Variants in ZNF420 observed in about 807,000 individuals in gnomAD.
ZNF420 encodes the protein zinc finger protein 420.
In ZNF420, 31 loss-of-function variants were observed where a neutral mutation model predicts 44.7. The observed-to-expected ratio is 0.69, with a 90% CI of 0.52 to 0.94. ZNF420 has a LOEUF of 0.94. Ranked by LOEUF, ZNF420 falls within the 40% of genes least tolerant of loss-of-function variation. The pLI is 0.00. For missense variants in ZNF420, 681 were observed against 827.9 expected, an observed-to-expected ratio of 0.82 and a Z score of 2.18; for synonymous variants, 245 against 267.4, an observed-to-expected ratio of 0.92 and a Z score of 0.82.
At chr19:37,081,698 G>GTT (rs1371325284) in intron 2 of ZNF420, among the ~76,000 whole-genome samples, 32 of 76,590 alleles carry the variant, frequency 4.2e-4, no homozygotes, top group African/African-American at 1.5e-3. Context: ...GCTAATTTTT[G>GTT]TATTTTTTTT....
At chr19:37,087,336 A>T (rs1023104854) in intron 2 of ZNF420, among the ~76,000 whole-genome samples, 5 of 149,806 alleles carry the variant, frequency 3.3e-5, no homozygotes, top group African/African-American at 9.8e-5. Flanking sequence ...TAAATAAATA[A>T]AAATTAAGAG....
At chr19:37,123,261 A>G (rs1158130483) in intron 4 of ZNF420, among the ~76,000 whole-genome samples, 2 of 152,150 alleles carry the variant, frequency 1.3e-5, no homozygotes, top group African/African-American at 4.8e-5. Context: ...CCCATTAACT[A>G]TCTTTGTATT....
intron 4 of ZNF420, among the ~76,000 whole-genome samples, chr19:37,098,420 A>T (rs1469070922): frequency 6.6e-6 from 1 of 152,002 alleles, no homozygotes; most frequent in East Asian, 1.9e-4. Flanking sequence ...TCAAATTTAA[A>T]TTTTTTATGT....
At chr19:37,023,782 C>T (rs954242798) in intron 1 of ZNF420, among the ~76,000 whole-genome samples, 7 of 152,086 alleles carry the variant, frequency 4.6e-5, no homozygotes, top group East Asian at 1.9e-4. Context: ...AAGTTCACAC[C>T]GGTACAAACA....
At chr19:37,117,063 G>C (rs1455868080) in intron 4 of ZNF420, among the ~76,000 whole-genome samples, 10 of 152,180 alleles carry the variant, frequency 6.6e-5, no homozygotes, top group African/African-American at 2.2e-4. Context: ...GCAGTAACCT[G>C]TGCAGACTTA....
chr19:37,122,743 C>G (rs933819051), intron 4 of ZNF420, among the ~76,000 whole-genome samples: 30 of 152,140 alleles, frequency 2.0e-4, no homozygotes, highest in African/African-American at 7.0e-4. Flanking sequence ...TGAAGTGACC[C>G]AGGGTTCAAT....
chr19:37,087,925 G>A (rs748373312), intron 2 of ZNF420, among the ~76,000 whole-genome samples: 9 of 152,302 alleles, frequency 5.9e-5, no homozygotes, highest in Admixed American at 2.0e-4. Context: ...GATTACAGGC[G>A]TGAGCCACTG....
chr19:37,127,075 C>G (rs1971384931), intron 4 of ZNF420, 53 bp from the exon 5 acceptor site: 7 of 1,381,080 alleles, frequency 5.1e-6, no homozygotes, highest in Non-Finnish European at 6.7e-6. Context: ...TATTATTTGT[C>G]TTTTCTATAG....
chr19:37,060,384 C>T (rs1191791066), intron 1 of ZNF420, among the ~76,000 whole-genome samples: 1 of 147,568 alleles, frequency 6.8e-6, no homozygotes, highest in Non-Finnish European at 1.5e-5. Flanking sequence ...ACAAGTCACC[C>T]GTTTGGCACT....
At chr19:37,061,492 C>A (rs752085355) in intron 1 of ZNF420, among the ~76,000 whole-genome samples, 2 of 151,908 alleles carry the variant, frequency 1.3e-5, no homozygotes, top group Admixed American at 6.6e-5. Context: ...TGATGCTATG[C>A]GGAACAGGAT....
Position 37,010,239 on chromosome 19 carries a change from G to A in ZNF420, c.-125+2157G>A, listed in dbSNP as rs1163195601. On this transcript the variant is annotated intron_variant, in intron 1 of 4. Coordinates refer to the ZNF420 transcript ENST00000587029. ...CATGGGGTCGAAAGGACGGTCTCTG[G>A]ATGCCAGGAGTCGCGGAGGGCGGAC... Among the ~76,000 whole-genome samples the A allele has an allele frequency of 2.6e-5, 4 of 152,204 alleles. 1 individual carries two copies. Among genetic ancestry groups the A allele is most frequent in the Non-Finnish European group, 5.9e-5 (4 of 68,038 alleles).
intron 4 of ZNF420, among the ~76,000 whole-genome samples, chr19:37,102,669 C>G (rs1208077461): frequency 1.3e-5 from 2 of 152,192 alleles, no homozygotes; most frequent in African/African-American, 2.4e-5. Context: ...TCAAGTTTTA[C>G]AACCTCCTAC....
At chr19:37,051,344 TG>T (rs1967635406) in intron 1 of ZNF420, among the ~76,000 whole-genome samples, 1 of 152,214 alleles carries the variant, frequency 6.6e-6, no homozygotes, top group Non-Finnish European at 1.5e-5. Context: ...TGAATCCATC[TG>T]GTCCTGGACT....
chr19:37,112,493 T>G (rs2146670299), intron 4 of ZNF420, among the ~76,000 whole-genome samples: 1 of 152,280 alleles, frequency 6.6e-6, no homozygotes, highest in East Asian at 1.9e-4. Flanking sequence ...AGCCTTTTGT[T>G]TAGGCCAATT....
rs569516672 is a variant in ZNF420, at chr19:37,013,554, G to A, written c.-125+5472G>A. On this transcript the variant is annotated intron_variant, in intron 1 of 4. Coordinates refer to the ZNF420 transcript ENST00000587029. ...ATGCAGAGTCACGGAGAAGCAGCGC[G>A]GGATCCCAGCTTCAGGGGACAGATG... 9.2e-5 allele frequency among the ~76,000 whole-genome samples: 14 copies of A among 152,262 alleles called. No individual in the cohort carries two copies. The East Asian group carries it at 2.1e-3, about 23-fold the overall frequency.
intron 4 of ZNF420, among the ~76,000 whole-genome samples, chr19:37,101,363 T>C (rs183482312): frequency 8.3e-4 from 127 of 152,136 alleles, no homozygotes; most frequent in African/African-American, 2.9e-3. Flanking sequence ...GCCATGGTGG[T>C]GTGTGCCTGT....
intron 1 of ZNF420, among the ~76,000 whole-genome samples, chr19:37,053,823 A>C (rs1199736464): frequency 6.6e-6 from 1 of 152,116 alleles, no homozygotes. Context: ...CCACTTGAGG[A>C]GGCAATCTGT....
At chr19:37,106,843 A>C (rs1201018349) in intron 4 of ZNF420, 2 of 152,200 alleles carry the variant, frequency 1.3e-5, no homozygotes, top group African/African-American at 4.8e-5. Flanking sequence ...ATGTGGCAGG[A>C]CAATAGGGTA....
chr19:37,042,191 G>T (rs1967466993), intron 1 of ZNF420, among the ~76,000 whole-genome samples: 1 of 152,142 alleles, frequency 6.6e-6, no homozygotes, highest in South Asian at 2.1e-4. Context: ...TAGAGACAGG[G>T]TTTCACCATC....
Sources: allele counts gnomAD v4.1 joint callset (sites outside exome capture counted in the v4.1 genomes callset), GRCh38; gene constraint gnomAD v4.1.1; transcripts MANE v1.5; gene names NCBI Gene and HGNC (gene_info 2026-07-23, HGNC 2026-07-21).